The following CCR2 variants were observed in gnomAD, a reference collection of about 807,000 sequenced individuals.
CCR2 encodes the protein C-C motif chemokine receptor 2.
For synonymous variants in CCR2, 183 were observed against 177.1 expected (o/e 1.03, Z -0.27); for missense variants, 408 against 440.0 (o/e 0.93, Z 0.65).
Position 46,359,067 on chromosome 3 carries a change from T to G in CCR2, c.*457T>G, listed in dbSNP as rs1701504796. ...GGCTGAGCCTGGACAAAGACAAAGG[T>G]GAGCAAAGGGCTCACGCATTCAGCC... On this transcript the variant is annotated 3_prime_UTR_variant, in exon 2 of 2. Coordinates refer to ENST00000445132, the MANE Select transcript of CCR2 (RefSeq NM_001123396.4). 9 of 1,013,958 alleles carry G rather than the reference T, an allele frequency of 8.9e-6. No homozygotes were observed. Among genetic ancestry groups the G allele is most frequent in the Non-Finnish European group, 9.5e-6 (8 of 838,136 alleles). The allele number at this position is 1,013,958 out of a possible 1,614,324, so 62.8% of individuals were successfully genotyped here.
Position 46,358,055 on chromosome 3 carries a change from C to G in CCR2, c.528C>G (p.Ile176Met). The change falls in exon 2 of 2, where the codon ATC (isoleucine) becomes ATG (methionine). Residue 176 changes from isoleucine (I) to methionine (M), a missense_variant. By Grantham distance (10) the Ile-to-Met change is conservative. Transcript: ENST00000445132. ...LVAVFASVPGIIFTKCQKEDS... is the reference protein window; with the variant it reads ...LVAVFASVPGMIFTKCQKEDS... The stretch of plus-strand genomic sequence containing the variant: ...CTGTGTTTGCTTCTGTCCCAGGAAT[C>G]ATCTTTACTAAATGCCAGAAAGAAG... 1 of 1,614,172 alleles carries G rather than the reference C, an allele frequency of 6.2e-7. No homozygotes were observed. The highest frequency in any genetic ancestry group is 8.5e-7 in the Non-Finnish European group (1 of 1,180,022).
chr3:46,359,705 A>G lies in CCR2; in HGVS notation c.*1095A>G. The G allele has an allele frequency of 1.9e-6, 3 of 1,613,610 alleles. No homozygotes were observed. The highest frequency in any genetic ancestry group is 3.3e-4 in the Middle Eastern group (2 of 6,058). On this transcript the variant is annotated 3_prime_UTR_variant, in exon 2 of 2. Transcript: ENST00000445132. The stretch of plus-strand genomic sequence containing the variant: ...TTTTCACATAGCTCTTGGCTGTAGG[A>G]TTGCCCCACTCCAAAAACCAGTGTG...
Position 46,359,449 on chromosome 3 carries a change from T to G in CCR2, c.*839T>G, listed in dbSNP as rs939232657. 8.8e-7 allele frequency: 1 copy of G among 1,132,532 alleles called. No individual in the cohort carries two copies. The highest frequency in any genetic ancestry group is 2.0e-5 in the South Asian group (1 of 50,388). 70.2% of individuals were successfully genotyped at this position (1,132,532 alleles called of 1,614,324 possible). A position where few individuals can be genotyped will look rare whatever the true frequency, so the allele number is the denominator to read the frequency against. On this transcript the variant is annotated 3_prime_UTR_variant, in exon 2 of 2. Transcript: ENST00000445132. The stretch of plus-strand genomic sequence containing the variant: ...GCTCTTGCTTGATCTCTCCAGGAGG[T>G]AGTGATTATGAGAAGGGGGTGGAGA...
intron 1 of CCR2, among the ~76,000 whole-genome samples, chr3:46,356,791 G>C (rs945698509): frequency 6.6e-6 from 1 of 151,898 alleles, no homozygotes. Context: ...GGTGGTGCAC[G>C]CCTATAGTCC....
Position 46,359,090 on chromosome 3 carries a change from G to A in CCR2, c.*480G>A. The A allele has an allele frequency of 4.0e-6, 4 of 1,011,596 alleles. No individual in the cohort carries two copies. The highest frequency in any genetic ancestry group is 4.8e-6 in the Non-Finnish European group (4 of 836,762). The allele number at this position is 1,011,596 out of a possible 1,614,324, so 62.7% of individuals were successfully genotyped here. A position where few individuals can be genotyped will look rare whatever the true frequency, so the allele number is the denominator to read the frequency against. ...GGTGAGCAAAGGGCTCACGCATTCA[G>A]CCAGGAGATGATACTGGTCCTTAGC... On this transcript the variant is annotated 3_prime_UTR_variant, in exon 2 of 2. Coordinates refer to ENST00000445132, the MANE Select transcript of CCR2 (RefSeq NM_001123396.4).
Position 46,359,304 on chromosome 3 carries a change from TG to T in CCR2, c.*695del, listed in dbSNP as rs1381524541. 1 of 1,016,750 alleles carries T rather than the reference TG, an allele frequency of 9.8e-7. No individual in the cohort carries two copies. Among genetic ancestry groups the T allele is most frequent in the Non-Finnish European group, 1.2e-6 (1 of 841,382 alleles). 63.0% of individuals were successfully genotyped at this position (1,016,750 alleles called of 1,614,324 possible). A position where few individuals can be genotyped will look rare whatever the true frequency, so the allele number is the denominator to read the frequency against. The stretch of plus-strand genomic sequence containing the variant: ...TACATTTGAAATCTATGAAATATCA[TG>T]CTCCATTGTTCAGATGCTTCTTAGG... On this transcript the variant is annotated 3_prime_UTR_variant, in exon 2 of 2. Transcript: ENST00000445132.
rs1219908641 is a variant in CCR2 at position 46,358,313 on chromosome 3, C to T, written c.786C>T (p.Val262=). 1 of 1,614,206 alleles carries T rather than the reference C, an allele frequency of 6.2e-7. No individual in the cohort carries two copies. Among genetic ancestry groups the T allele is most frequent in the South Asian group, 1.1e-5 (1 of 91,080 alleles). The stretch of plus-strand genomic sequence containing the variant: ...TCTTCTGGACTCCCTATAATATTGT[C>T]ATTCTCCTGAACACCTTCCAGGAAT... The part of the protein sequence containing the change: ...YFLFWTPYNI[V]ILLNTFQEFF... The change falls in exon 2 of 2, where the codon GTC becomes GTT. Residue 262 remains valine, a synonymous_variant. Coordinates refer to ENST00000445132, the MANE Select transcript of CCR2 (RefSeq NM_001123396.4).
At position 46,359,902 on chromosome 3, in the gene CCR2, G is replaced by A. The variant is rs554704993; in HGVS notation, c.*1292G>A. 6.4e-7 allele frequency: 1 copy of A among 1,574,676 alleles called. No homozygotes were observed. The highest frequency in any genetic ancestry group is 1.4e-5 in the African/African-American group (1 of 73,518). On this transcript the variant is annotated 3_prime_UTR_variant, in exon 2 of 2. Coordinates refer to ENST00000445132, the MANE Select transcript of CCR2 (RefSeq NM_001123396.4). ...TCTCTGCTTTGGAAATCACACGTCTGGCTTCACAGATGTGTGATTCACAGT... is the reference window on the plus strand; with the variant it reads ...TCTCTGCTTTGGAAATCACACGTCTAGCTTCACAGATGTGTGATTCACAGT...
chr3:46,359,647 A>T lies in CCR2; in HGVS notation c.*1037A>T. 6.3e-7 allele frequency: 1 copy of T among 1,588,880 alleles called. No individual in the cohort carries two copies. The highest frequency in any genetic ancestry group is 1.1e-5 in the South Asian group (1 of 87,306). On this transcript the variant is annotated 3_prime_UTR_variant, in exon 2 of 2. Transcript: ENST00000445132. ...TGTGCTTGCTTTTCCCTGCCTTGCC[A>T]CTCCCCTCACTCTTCTCTTTTCCCC...
Position 46,358,412 on chromosome 3 carries a change from G to A in CCR2, c.885G>A (p.Met295Ile). 1 of 1,614,108 alleles carries A rather than the reference G, an allele frequency of 6.2e-7. No individual in the cohort carries two copies. The highest frequency in any genetic ancestry group is 8.5e-7 in the Non-Finnish European group (1 of 1,180,006). Residue 295 changes from methionine (M) to isoleucine (I), a missense_variant, in exon 2 of 2, where the codon ATG becomes ATA. Met to Ile is a conservative substitution (Grantham distance 10). Coordinates refer to ENST00000445132, the MANE Select transcript of CCR2 (RefSeq NM_001123396.4). Reference protein sequence around the residue: ...QATQVTETLGMTHCCINPIIY... With the variant: ...QATQVTETLGITHCCINPIIY... ...CGCAGGTGACAGAGACTCTTGGGAT[G>A]ACTCACTGCTGCATCAATCCCATCA... is the stretch of plus-strand genomic sequence containing the variant.
chr3:46,357,423 T>C lies in CCR2; in HGVS notation c.-51-54T>C, dbSNP rs534474700. The C allele has an allele frequency of 1.7e-4, 215 of 1,247,570 alleles. 1 individual carries two copies. In the East Asian group the frequency reaches 4.9e-3, roughly 28 times the overall value. The allele number at this position is 1,247,570 out of a possible 1,614,324, so 77.3% of individuals were successfully genotyped here. A position where few individuals can be genotyped will look rare whatever the true frequency, so the allele number is the denominator to read the frequency against. Reference sequence around the variant, plus strand: ...ATGTGGTGCCAGACTATTTGGAAGATCATGGATTGCGGTGTTTGTGTTGTG... The same window carrying C: ...ATGTGGTGCCAGACTATTTGGAAGACCATGGATTGCGGTGTTTGTGTTGTG... On this transcript the variant is annotated intron_variant, in intron 1 of 1. Coordinates refer to ENST00000445132, the MANE Select transcript of CCR2 (RefSeq NM_001123396.4).
In CCR2 at chr3:46,359,538, C is replaced by T; in HGVS notation, c.*928C>T. On this transcript the variant is annotated 3_prime_UTR_variant, in exon 2 of 2. Coordinates refer to ENST00000445132, the MANE Select transcript of CCR2 (RefSeq NM_001123396.4). ...GTGTGGAACCACTGCAGAACTATTTCCGAAATCAACTAAGTGGAGAGAGCC... is the reference window on the plus strand; with the variant it reads ...GTGTGGAACCACTGCAGAACTATTTTCGAAATCAACTAAGTGGAGAGAGCC... 9.6e-7 allele frequency: 1 copy of T among 1,036,528 alleles called. No homozygotes were observed. Among genetic ancestry groups the T allele is most frequent in the Non-Finnish European group, 1.4e-6 (1 of 733,470 alleles). 64.2% of individuals were successfully genotyped at this position (1,036,528 alleles called of 1,614,324 possible).
In CCR2 at chr3:46,357,717, G is replaced by T; in HGVS notation, c.190G>T (p.Val64Phe). 6.2e-7 allele frequency: 1 copy of T among 1,613,948 alleles called. No individual in the cohort carries two copies. The highest frequency in any genetic ancestry group is 8.5e-7 in the Non-Finnish European group (1 of 1,179,976). Residue 64 changes from valine (V) to phenylalanine (F), a missense_variant, in exon 2 of 2, where the codon GTC (valine) becomes TTC (phenylalanine). Physicochemically the swap from Val to Phe is conservative, Grantham distance 50. Coordinates refer to ENST00000445132, the MANE Select transcript of CCR2 (RefSeq NM_001123396.4). ...TGGTTTTGTGGGCAACATGCTGGTC[G>T]TCCTCATCTTAATAAACTGCAAAAA... ...IFGFVGNMLV[V>F]LILINCKKLK...
At chr3:46,355,404 G>T (rs1306339057) in intron 1 of CCR2, among the ~76,000 whole-genome samples, 2 of 152,180 alleles carry the variant, frequency 1.3e-5, no homozygotes, top group African/African-American at 4.8e-5. Context: ...TGTGACTGAA[G>T]CACAGGATTT....
In CCR2 at chr3:46,357,605, T is replaced by C; in HGVS notation, c.78T>C (p.Tyr26=). 6.2e-7 allele frequency: 1 copy of C among 1,614,168 alleles called. No individual in the cohort carries two copies. Among genetic ancestry groups the C allele is most frequent in the South Asian group, 1.1e-5 (1 of 91,076 alleles). Residue 26 remains tyrosine, a synonymous_variant, in exon 2 of 2, where the codon TAT becomes TAC. Coordinates refer to ENST00000445132, the MANE Select transcript of CCR2 (RefSeq NM_001123396.4). The part of the protein sequence containing the change: ...SGEEVTTFFD[Y]DYGAPCHKFD... ...AAGAAGTCACCACCTTTTTTGATTA[T>C]GATTACGGTGCTCCCTGTCATAAAT...
chr3:46,357,082 G>T (rs1032265105), intron 1 of CCR2, among the ~76,000 whole-genome samples: 2 of 152,186 alleles, frequency 1.3e-5, no homozygotes, highest in Admixed American at 6.5e-5. Flanking sequence ...CAGGTGGAGG[G>T]TTCTCTTGTG....
In CCR2 at chr3:46,359,778, A is replaced by T. The variant is rs374682253; in HGVS notation, c.*1168A>T. The T allele has an allele frequency of 6.2e-7, 1 of 1,614,046 alleles. No homozygotes were observed. The highest frequency in any genetic ancestry group is 8.5e-7 in the Non-Finnish European group (1 of 1,180,006). On this transcript the variant is annotated 3_prime_UTR_variant, in exon 2 of 2. Transcript: ENST00000445132. ...GGAAAGAATGTGAAAGTGACTACAC[A>T]AGGACTCCTCGATGGTCGTGGAAAA... is the stretch of plus-strand genomic sequence containing the variant.
intron 1 of CCR2, among the ~76,000 whole-genome samples, chr3:46,356,989 T>G (rs1701465522): frequency 6.6e-6 from 1 of 151,836 alleles, no homozygotes; most frequent in South Asian, 2.1e-4. Context: ...GATAATAGGA[T>G]TCTGCCTGGC....
chr3:46,355,049 A>T (rs1347112398), intron 1 of CCR2: 1 of 152,242 alleles, frequency 6.6e-6, no homozygotes, highest in Admixed American at 6.5e-5. Context: ...CTTATTATAA[A>T]GAGTTTTATG....
Sources: gnomAD v4.1 joint callset for allele counts (sites outside exome capture counted in the v4.1 genomes callset) on GRCh38, gnomAD v4.1.1 for gene constraint, MANE v1.5 for transcripts, NCBI Gene and HGNC (gene_info 2026-07-23, HGNC 2026-07-21) for gene names.